The following INPP4A variants were observed in gnomAD, a reference collection of about 807,000 sequenced individuals.
The protein encoded by INPP4A is inositol polyphosphate-4-phosphatase, type I, 107kD.
INPP4A carries 33 observed loss-of-function variants against 119.8 expected under a neutral mutation model. The ratio of observed to expected loss-of-function variants is 0.28; its 90% CI spans 0.21 to 0.37. The LOEUF (loss-of-function observed/expected upper bound fraction) is 0.37, where lower values mean the gene tolerates loss of function less well. Among genes scored for constraint, INPP4A ranks in the 10% least tolerant of loss-of-function variants. The pLI, the probability that INPP4A is intolerant of heterozygous loss-of-function variation, is 1.00. For missense variants in INPP4A, 956 were observed against 1,289.9 expected (o/e 0.74, Z 3.97); for synonymous variants, 496 against 500.7 (o/e 0.99, Z 0.12).
At chr2:98,467,433 C>T (rs148068280) in intron 1 of INPP4A, among the ~76,000 whole-genome samples, 186 of 152,300 alleles carry the variant, frequency 1.2e-3, no homozygotes, top group Middle Eastern at 3.4e-3. Flanking sequence ...GTCTCTACAT[C>T]TGTTTAAACG....
At chr2:98,490,351 AGAG>A (rs1479690685) in intron 1 of INPP4A, among the ~76,000 whole-genome samples, 1 of 151,922 alleles carries the variant, frequency 6.6e-6, no homozygotes, top group South Asian at 2.1e-4. Flanking sequence ...CTCTACAAGC[AGAG>A]GAGGAGAAGG....
At chr2:98,484,870 A>G (rs1679228633) in intron 1 of INPP4A, among the ~76,000 whole-genome samples, 1 of 151,968 alleles carries the variant, frequency 6.6e-6, no homozygotes, top group Admixed American at 6.6e-5. Flanking sequence ...ATTATTTACC[A>G]TTTCCCTGAC....
intron 1 of INPP4A, among the ~76,000 whole-genome samples, chr2:98,488,007 T>A (rs2105172154): frequency 6.6e-6 from 1 of 152,302 alleles, no homozygotes; most frequent in South Asian, 2.1e-4. Flanking sequence ...TAGTTGGATA[T>A]GACAGGAATA....
intron 1 of INPP4A, among the ~76,000 whole-genome samples, chr2:98,454,084 G>A (rs1372189446): frequency 1.3e-5 from 2 of 152,284 alleles, no homozygotes; most frequent in East Asian, 3.9e-4. Flanking sequence ...TCCAGCCTGG[G>A]TGACAGGGCA....
At chr2:98,469,457 G>A (rs1256250598) in intron 1 of INPP4A, among the ~76,000 whole-genome samples, 2 of 150,532 alleles carry the variant, frequency 1.3e-5, no homozygotes, top group African/African-American at 4.9e-5. Flanking sequence ...CCGAGATCGC[G>A]CCATTGCACT....
chr2:98,522,444 A>G (rs2105772175), intron 4 of INPP4A, among the ~76,000 whole-genome samples: 1 of 152,270 alleles, frequency 6.6e-6, no homozygotes, highest in South Asian at 2.1e-4. Context: ...CAAAATTTAA[A>G]AAATTCTATG....
chr2:98,574,530 C>T (rs537518777), intron 23 of INPP4A, among the ~76,000 whole-genome samples: 7 of 151,688 alleles, frequency 4.6e-5, no homozygotes, highest in African/African-American at 1.2e-4. Flanking sequence ...CCCAGCTACT[C>T]GGGCGGCTGA....
chr2:98,519,992 G>A lies in INPP4A; in HGVS notation c.-57G>A, dbSNP rs577484045. ...CTAGGGCTCGGTGCCAGCACTTCCC[G>A]GGTAATCAGGCGTGGTCTGACCGAG... is the stretch of plus-strand genomic sequence containing the variant. On this transcript the variant is annotated 5_prime_UTR_variant, in exon 3 of 25. Transcript: ENST00000409851. 3.0e-5 allele frequency: 42 copies of A among 1,420,626 alleles called. No individual in the cohort carries two copies. Among genetic ancestry groups the A allele is most frequent in the Middle Eastern group, 1.7e-4 (1 of 5,784 alleles). 88.0% of individuals were successfully genotyped at this position (1,420,626 alleles called of 1,614,324 possible).
intron 24 of INPP4A, 93 bp downstream of exon 24, chr2:98,577,236 C>T (rs980293673): frequency 3.1e-5 from 41 of 1,302,078 alleles, no homozygotes; most frequent in Non-Finnish European, 4.1e-5. Context: ...CAGGGCCTAC[C>T]CTGCATGAGC....
intron 1 of INPP4A, among the ~76,000 whole-genome samples, chr2:98,472,090 A>G (rs1281665187): frequency 6.6e-6 from 1 of 152,198 alleles, no homozygotes; most frequent in Non-Finnish European, 1.5e-5. Flanking sequence ...TTGATCTCCC[A>G]TGTGACTCCA....
In INPP4A at chr2:98,589,922, A is replaced by G. The variant is rs943610702; in HGVS notation, c.*2314A>G. ...GCTCCTACAGAGCACAGTTGCCTTT[A>G]GTTTCCTTTAAAGATGTAAAAATAT... On this transcript the variant is annotated 3_prime_UTR_variant, in exon 25 of 25. Coordinates refer to ENST00000409851, the MANE Select transcript of INPP4A (RefSeq NM_001134225.2). 1 of 196,834 alleles carries G rather than the reference A, an allele frequency of 5.1e-6. No homozygotes were observed. Among genetic ancestry groups the G allele is most frequent in the Non-Finnish European group, 1.1e-5 (1 of 95,078 alleles). The allele number at this position is 196,834 out of a possible 1,614,324, so 12.2% of individuals were successfully genotyped here.
At chr2:98,495,147 GTCATTT>G (rs199544690) in intron 1 of INPP4A, among the ~76,000 whole-genome samples, 1,585 of 152,274 alleles carry the variant, frequency 0.01, 45 homozygotes, top group African/African-American at 0.036. Flanking sequence ...TAGCTAAGAT[GTCATTT>G]TCAACACAAA....
rs138130826 is a variant in INPP4A at position 98,464,512 on chromosome 2, A to G, written c.-166+19427A>G. 6.6e-4 allele frequency among the ~76,000 whole-genome samples: 100 copies of G among 152,302 alleles called. 2 individuals are homozygous for G. The East Asian group carries it at 0.01, about 16-fold the overall frequency. On this transcript the variant is annotated intron_variant, in intron 1 of 24. Coordinates refer to ENST00000409851, the MANE Select transcript of INPP4A (RefSeq NM_001134225.2). ...AAGCTGAAAAGCAGTTTGGAAGGTCAAGTGCTAGCCAGTGTCTTTTTTTGC... is the reference window on the plus strand; with the variant it reads ...AAGCTGAAAAGCAGTTTGGAAGGTCGAGTGCTAGCCAGTGTCTTTTTTTGC...
rs76667581 is a variant in INPP4A at position 98,498,951 on chromosome 2, A to G, written c.-165-20013A>G. On this transcript the variant is annotated intron_variant, in intron 1 of 24. Coordinates refer to ENST00000409851, the MANE Select transcript of INPP4A (RefSeq NM_001134225.2). ...CAGGACTGTAAGAAAATAAATATCT[A>G]TTGTTTAAGCCCCCTAGTCTGTGGG... Among the ~76,000 whole-genome samples the G allele has an allele frequency of 3.3e-5, 5 of 152,258 alleles. No homozygotes were observed. In the East Asian group the frequency reaches 7.7e-4, roughly 23 times the overall value.
intron 1 of INPP4A, among the ~76,000 whole-genome samples, chr2:98,450,262 A>G (rs564119555): frequency 6.6e-6 from 1 of 152,330 alleles, no homozygotes; most frequent in African/African-American, 2.4e-5. Context: ...AAGAGGCTCA[A>G]CTGGGACTAA....
intron 5 of INPP4A, among the ~76,000 whole-genome samples, chr2:98,533,825 T>G (rs1462274891): frequency 6.6e-6 from 1 of 152,244 alleles, no homozygotes; most frequent in Non-Finnish European, 1.5e-5. Flanking sequence ...AGAGTGGTGC[T>G]CATTAATCAA....
At chr2:98,468,788 C>G (rs1208183892) in intron 1 of INPP4A, among the ~76,000 whole-genome samples, 8 of 152,122 alleles carry the variant, frequency 5.3e-5, no homozygotes, top group Non-Finnish European at 1.5e-5. Flanking sequence ...TTAGCTGTAA[C>G]TAGATGCAAA....
At chr2:98,445,284 G>C (rs770156667) in intron 1 of INPP4A, among the ~76,000 whole-genome samples, 199 bp downstream of exon 1, 47 of 152,090 alleles carry the variant, frequency 3.1e-4, no homozygotes, top group Non-Finnish European at 5.1e-4. Context: ...ATCCGAGCCC[G>C]GCCGACCCCC....
intron 1 of INPP4A, among the ~76,000 whole-genome samples, chr2:98,451,127 C>A (rs967486249): frequency 1.3e-5 from 2 of 152,158 alleles, no homozygotes; most frequent in African/African-American, 4.8e-5. Context: ...GTCCTGGGTG[C>A]AGTGTGCATG....
Sources: gnomAD v4.1 joint callset for allele counts (sites outside exome capture counted in the v4.1 genomes callset) on GRCh38, gnomAD v4.1.1 for gene constraint, MANE v1.5 for transcripts, NCBI Gene and HGNC (gene_info 2026-07-23, HGNC 2026-07-21) for gene names.